The following TBC1D9B variants were observed in gnomAD, a reference collection of about 807,000 sequenced individuals.
The protein encoded by TBC1D9B is TBC1 domain family member 9B.
A neutral mutation model predicts 121.1 loss-of-function variants in TBC1D9B; 87 were observed. The ratio of observed to expected loss-of-function variants is 0.72; its 90% confidence interval spans 0.60 to 0.86. TBC1D9B has a LOEUF of 0.86. Among genes scored for constraint, TBC1D9B ranks in the 40% least tolerant of loss-of-function variants. TBC1D9B has a pLI of 0.00. For missense variants in TBC1D9B, 1,540 were observed against 1,628.6 expected, an observed-to-expected ratio of 0.95 and a Z score of 0.94; for synonymous variants, 668 against 670.1, an observed-to-expected ratio of 1.00 and a Z score of 0.05.
At chr5:179,882,434 C>T (rs1047870376) in intron 7 of TBC1D9B, among the ~76,000 whole-genome samples, 11 of 152,214 alleles carry the variant, frequency 7.2e-5, no homozygotes, top group Non-Finnish European at 1.5e-5. Flanking sequence ...AGTCTGTTCT[C>T]CAGCAGACTC....
Position 179,862,529 on chromosome 5 carries a change from T to A in TBC1D9B, c.*919A>T, listed in dbSNP as rs1369902752. The A allele has an allele frequency of 2.2e-6, 1 of 455,766 alleles. No homozygotes were observed. The highest frequency in any genetic ancestry group is 2.0e-5 in the African/African-American group (1 of 50,088). The allele number at this position is 455,766 out of a possible 1,614,324, so 28.2% of individuals were successfully genotyped here. On this transcript the variant is annotated 3_prime_UTR_variant, in exon 21 of 21. Transcript: ENST00000355235. ...GACCTGTGGAGCTCAGGGCATCCCC[T>A]GATGCAGGTTGGTCAGGACCTGCCC...
chr5:179,879,670 G>C lies in TBC1D9B; in HGVS notation c.1374C>G (p.Leu458=). The change falls in exon 8 of 21, where the codon CTC becomes CTG. Residue 458 remains leucine, a synonymous_variant. Coordinates refer to ENST00000355235, the MANE Select transcript of TBC1D9B (RefSeq NM_015043.4). ...APTASQGLLK[L]FQKNSPMEDL... ...CCTCCATGGGCGAGTTTTTCTGGAA[G>C]AGCTTCAGCAGGCCCTGGGATGCGG... 1 of 1,614,162 alleles carries C rather than the reference G, an allele frequency of 6.2e-7. No individual in the cohort carries two copies. Among genetic ancestry groups the C allele is most frequent in the Non-Finnish European group, 8.5e-7 (1 of 1,180,006 alleles).
In TBC1D9B at chr5:179,864,028, A is replaced by G; in HGVS notation, c.3122T>C (p.Leu1041Pro). ...YHAIATVASL[L>P]LRIGEVGKKF... ...CTTCCCCACCTCTCCGATGCGGAGC[A>G]GGAGGCTGGCCACGGTGGCGATGGC... Residue 1041 changes from leucine to proline, a missense_variant, in exon 21 of 21, where the codon CTG becomes CCG. Transcript: ENST00000355235. The G allele has an allele frequency of 6.2e-7, 1 of 1,613,766 alleles. No individual in the cohort carries two copies. The highest frequency in any genetic ancestry group is 8.5e-7 in the Non-Finnish European group (1 of 1,180,040).
chr5:179,864,554 A>C (rs1759948162), intron 20 of TBC1D9B, among the ~76,000 whole-genome samples: 1 of 149,942 alleles, frequency 6.7e-6, no homozygotes, highest in African/African-American at 2.5e-5. Flanking sequence ...GGTGAGGAAA[A>C]TACAGCCTGG....
chr5:179,901,760 C>T (rs1048498921), intron 2 of TBC1D9B, among the ~76,000 whole-genome samples: 5 of 152,096 alleles, frequency 3.3e-5, no homozygotes, highest in East Asian at 1.9e-4. Context: ...AGAAAGAGAA[C>T]GCCTCAAAAA....
chr5:179,865,576 A>G lies in TBC1D9B; in HGVS notation c.2915-216T>C. On this transcript the variant is annotated intron_variant, in intron 19 of 20. Coordinates refer to ENST00000355235, the MANE Select transcript of TBC1D9B (RefSeq NM_015043.4). The surrounding 1 kb of genome is among the most constrained non-coding windows in gnomAD (Gnocchi z 5.1). ...AGTGGTTGGACCTAAGCTGATGACA[A>G]TGATCCACAATGTCTTCTCTCAGAT... 1 of 616,004 alleles carries G rather than the reference A, an allele frequency of 1.6e-6. No homozygotes were observed. Among genetic ancestry groups the G allele is most frequent in the Non-Finnish European group, 2.9e-6 (1 of 350,052 alleles). The allele number at this position is 616,004 out of a possible 1,614,324, so 38.2% of individuals were successfully genotyped here. A position where few individuals can be genotyped will look rare whatever the true frequency, so the allele number is the denominator to read the frequency against.
Position 179,874,711 on chromosome 5 carries a change from G to A in TBC1D9B, c.2186+191C>T, listed in dbSNP as rs1407262500. Among the ~76,000 whole-genome samples the A allele has an allele frequency of 6.6e-6, 1 of 152,214 alleles. No homozygotes were observed. Among genetic ancestry groups the A allele is most frequent in the African/African-American group, 2.4e-5 (1 of 41,446 alleles). ...CCGCAGTGCCTGCTTTACTCCTCCT[G>A]GCACCTATCACTGAGCGCTGCTTCA... On this transcript the variant is annotated intron_variant, in intron 12 of 20. Coordinates refer to ENST00000355235, the MANE Select transcript of TBC1D9B (RefSeq NM_015043.4). The surrounding 1 kb of genome is among the most constrained non-coding windows in gnomAD (Gnocchi z 4.3).
In TBC1D9B at chr5:179,871,475, T is replaced by TA. The variant is rs776494545; in HGVS notation, c.2470dup (p.Tyr824LeufsTer5). 6.2e-7 allele frequency: 1 copy of TA among 1,613,028 alleles called. No homozygotes were observed. Among genetic ancestry groups the TA allele is most frequent in the Non-Finnish European group, 8.5e-7 (1 of 1,179,606 alleles). ...CTGAGCTGTCACCTTAAACACCATG[T>TA]AAAGGTCCTCCAGCTCTTCAATGGA... On this transcript the variant is annotated frameshift_variant, in exon 15 of 21. Coordinates refer to ENST00000355235, the MANE Select transcript of TBC1D9B (RefSeq NM_015043.4). LOFTEE classifies it high-confidence loss of function.
intron 2 of TBC1D9B, 67 bp from the exon 3 acceptor site, chr5:179,899,374 G>A (rs958893361): frequency 1.5e-6 from 2 of 1,372,418 alleles, no homozygotes; most frequent in African/African-American, 2.9e-5. Flanking sequence ...CACATTCAAA[G>A]AAGCGAGATG....
chr5:179,907,813 C>G lies in TBC1D9B; in HGVS notation c.9G>C (p.Leu3=). 1.2e-5 allele frequency: 14 copies of G among 1,191,036 alleles called. No individual in the cohort carries two copies. The highest frequency in any genetic ancestry group is 1.5e-5 in the Non-Finnish European group (14 of 936,054). 73.8% of individuals were successfully genotyped at this position (1,191,036 alleles called of 1,614,324 possible). Residue 3 remains leucine, a synonymous_variant, in exon 1 of 21, where the codon CTG becomes CTC. Transcript: ENST00000355235. This position sits in a 1 kb window ranked among gnomAD's most constrained non-coding sequence, Gnocchi z 5.3. ...TGGCCACCAGCACCTCCTCCGGGCT[C>G]AGCCACATCGCGGAGCCGCTCGCAC... MW[L]SPEEVLVANA...
Position 179,907,617 on chromosome 5 carries a change from G to T in TBC1D9B, c.118+87C>A, listed in dbSNP as rs1429712039. On this transcript the variant is annotated intron_variant, in intron 1 of 20. Coordinates refer to ENST00000355235, the MANE Select transcript of TBC1D9B (RefSeq NM_015043.4). The surrounding 1 kb of genome is among the most constrained non-coding windows in gnomAD (Gnocchi z 5.3). ...GCCGCGACGCGCCGAGGCCGGGCCG[G>T]AACCGGACCCGCCCGCCGCCCGCCG... 1 of 739,636 alleles carries T rather than the reference G, an allele frequency of 1.4e-6. No individual in the cohort carries two copies. Among genetic ancestry groups the T allele is most frequent in the South Asian group, 5.8e-5 (1 of 17,218 alleles). 45.8% of individuals were successfully genotyped at this position (739,636 alleles called of 1,614,324 possible). A position where few individuals can be genotyped will look rare whatever the true frequency, so the allele number is the denominator to read the frequency against.
rs138283061 is a variant in TBC1D9B, at chr5:179,872,907, C to T, written c.2400G>A (p.Thr800=). 4.5e-5 allele frequency: 72 copies of T among 1,613,740 alleles called. No homozygotes were observed. The highest frequency in any genetic ancestry group is 1.9e-4 in the South Asian group (17 of 91,080). The change falls in exon 14 of 21, where the codon ACG becomes ACA. Residue 800 remains threonine (T), a synonymous_variant. Coordinates refer to ENST00000355235, the MANE Select transcript of TBC1D9B (RefSeq NM_015043.4). ...GCACCCATACCACACTCCTCTTGGC[C>T]GTGTCCTCCAAGGACTGGATCACTT... ...RLKVIQSLED[T]AKRSVVRAIP...
At chr5:179,867,993 G>A (rs1372527589) in intron 17 of TBC1D9B, 144 bp from the exon 18 acceptor site, 2 of 603,600 alleles carry the variant, frequency 3.3e-6, no homozygotes, top group East Asian at 3.0e-5. Flanking sequence ...ACAGTGCCCG[G>A]TAATAGTTTT....
At chr5:179,876,333 A>G (rs1561637571) in intron 10 of TBC1D9B, among the ~76,000 whole-genome samples, 1 of 152,076 alleles carries the variant, frequency 6.6e-6, no homozygotes, top group African/African-American at 2.4e-5. Flanking sequence ...GAGTCTGCCA[A>G]CTCCTTCAAA....
intron 6 of TBC1D9B, among the ~76,000 whole-genome samples, 163 bp from the exon 7 acceptor site, chr5:179,888,475 C>A (rs908269806): frequency 6.6e-6 from 1 of 152,186 alleles, no homozygotes; most frequent in African/African-American, 2.4e-5. Flanking sequence ...CTGCACCTAA[C>A]CCCGAGCAAG....
In TBC1D9B at chr5:179,902,020, A is replaced by T. The variant is rs1465623170; in HGVS notation, c.229+2682T>A. Among the ~76,000 whole-genome samples the T allele has an allele frequency of 2.0e-5, 3 of 152,222 alleles. No homozygotes were observed. Among genetic ancestry groups the T allele is most frequent in the African/African-American group, 7.2e-5 (3 of 41,466 alleles). ...TACCAGATGAAGCTGAGGCACAGAG[A>T]GGTGAAATAAGTTACCCAAGGTCAC... On this transcript the variant is annotated intron_variant, in intron 2 of 20. Transcript: ENST00000355235. The surrounding 1 kb of genome is among the most constrained non-coding windows in gnomAD (Gnocchi z 4.9).
intron 7 of TBC1D9B, chr5:179,880,082 G>C (rs1044774712): frequency 1.4e-5 from 7 of 500,438 alleles, no homozygotes; most frequent in South Asian, 2.3e-5. Flanking sequence ...TTTCTGAGGG[G>C]GGTCAGTGCA....
chr5:179,872,848 G>GCCCCCCCCACCCCCCCCCCCC, intron 14 of TBC1D9B, 44 bp downstream of exon 14: 1 of 1,457,242 alleles, frequency 6.9e-7, no homozygotes, highest in Non-Finnish European at 9.5e-7. Flanking sequence ...AGGCACTGCT[G>GCCCCCCCCACCCCCCCCCCCC]CCCCCCCAGC....
At chr5:179,896,346 T>C (rs927661751) in intron 3 of TBC1D9B, among the ~76,000 whole-genome samples, 1 of 152,256 alleles carries the variant, frequency 6.6e-6, no homozygotes, top group Non-Finnish European at 1.5e-5. Context: ...TTTCTTCTCT[T>C]ATACCAGTGC....
Sources: gnomAD v4.1 joint callset for allele counts (sites outside exome capture counted in the v4.1 genomes callset) on GRCh38, gnomAD v4.1.1 for gene constraint, Gnocchi (gnomAD v3.1) non-coding constraint, MANE v1.5 for transcripts, NCBI Gene and HGNC (gene_info 2026-07-23, HGNC 2026-07-21) for gene names.